Variants in EPHA5 observed in about 807,000 individuals in gnomAD.
EPHA5 encodes ephrin type-A receptor 5.
Under a neutral mutation model 105.0 loss-of-function variants are expected in EPHA5, and 60 were observed. That is an observed-to-expected ratio of 0.57 (90% CI 0.46 to 0.71). EPHA5 has a LOEUF of 0.71. Among genes scored for constraint, EPHA5 ranks in the 30% least tolerant of loss-of-function variants. EPHA5 has a pLI of 0.00. For synonymous variants in EPHA5, 513 were observed against 449.1 expected (o/e 1.14, Z -1.80); for missense variants, 1,218 against 1,274.7 (o/e 0.96, Z 0.68).
intron 7 of EPHA5, among the ~76,000 whole-genome samples, chr4:65,409,665 C>T (rs756519030): frequency 6.6e-6 from 1 of 152,120 alleles, no homozygotes; most frequent in Admixed American, 6.5e-5. Flanking sequence ...ATTTGGGATC[C>T]TTCTCTCACA....
intron 3 of EPHA5, among the ~76,000 whole-genome samples, chr4:65,587,583 C>A (rs1245865971): frequency 6.6e-6 from 1 of 152,020 alleles, no homozygotes; most frequent in Non-Finnish European, 1.5e-5. Flanking sequence ...CAAAAGGTGC[C>A]CCGACCCCCA....
Position 65,420,425 on chromosome 4 carries a change from A to T in EPHA5, c.1527+16T>A, listed in dbSNP as rs897064351. 1 of 1,543,864 alleles carries T rather than the reference A, an allele frequency of 6.5e-7. No individual in the cohort carries two copies. Among genetic ancestry groups the T allele is most frequent in the Admixed American group, 2.2e-5 (1 of 45,164 alleles). On this transcript the variant is annotated intron_variant, in intron 6 of 16. Transcript: ENST00000613740. ...AAAAAAGAAAGTGAGGACATTTTTT[A>T]TTCTGTTAGTCTTACCTTTTCAAAA...
At chr4:65,407,827 C>T (rs1182299759) in intron 7 of EPHA5, among the ~76,000 whole-genome samples, 3 of 151,874 alleles carry the variant, frequency 2.0e-5, no homozygotes, top group African/African-American at 7.3e-5. Context: ...ATGATCTCGG[C>T]TCATTGCAAC....
intron 1 of EPHA5, among the ~76,000 whole-genome samples, chr4:65,668,104 A>T (rs1373013365): frequency 6.6e-6 from 1 of 152,206 alleles, no homozygotes; most frequent in East Asian, 1.9e-4. Flanking sequence ...AGATAAATAC[A>T]CATAAGCCTT....
At chr4:65,440,391 G>T (rs1725892322) in intron 5 of EPHA5, among the ~76,000 whole-genome samples, 1 of 151,834 alleles carries the variant, frequency 6.6e-6, no homozygotes, top group South Asian at 2.1e-4. Flanking sequence ...ACATATTAAA[G>T]TTAGTATTAT....
intron 5 of EPHA5, among the ~76,000 whole-genome samples, chr4:65,429,240 A>T (rs578003320): frequency 3.7e-4 from 56 of 152,186 alleles, no homozygotes; most frequent in African/African-American, 1.3e-3. Flanking sequence ...GCTCAGTATT[A>T]TTCAGTTATA....
Position 65,670,024 on chromosome 4 carries a change from C to G in EPHA5, c.-282G>C, listed in dbSNP as rs1255356619. 2 of 402,686 alleles carry G rather than the reference C, an allele frequency of 5.0e-6. No homozygotes were observed. Among genetic ancestry groups the G allele is most frequent in the Non-Finnish European group, 8.5e-6 (2 of 234,224 alleles). 24.9% of individuals were successfully genotyped at this position (402,686 alleles called of 1,614,324 possible). ...TCGGATCAAGGGTGTCGAGAGGGTC[C>G]TGGGTCCTGTTCCTTTGCCTTTCAA... is the stretch of plus-strand genomic sequence containing the variant. On this transcript the variant is annotated 5_prime_UTR_variant, in exon 1 of 17. Coordinates refer to ENST00000613740, the MANE Select transcript of EPHA5 (RefSeq NM_001281766.3).
At chr4:65,607,598 T>C (rs1744359608) in intron 2 of EPHA5, among the ~76,000 whole-genome samples, 1 of 152,196 alleles carries the variant, frequency 6.6e-6, no homozygotes, top group Non-Finnish European at 1.5e-5. Context: ...TCATCACTTG[T>C]CATTAGAGAA....
intron 3 of EPHA5, among the ~76,000 whole-genome samples, chr4:65,561,454 A>G (rs1739011247): frequency 6.6e-6 from 1 of 152,110 alleles, no homozygotes; most frequent in South Asian, 2.1e-4. Flanking sequence ...CATCATTCAT[A>G]GGCAGGGAGT....
In EPHA5 at chr4:65,490,405, C is replaced by T. The variant is rs1731282642; in HGVS notation, c.1374G>A (p.Val458=). ...SDLSPGARQY[V]SVNVTTNQAA... Reference sequence around the variant, plus strand: ...CTTGATTTGTGGTTACATTTACAGACACATACTGCCGGGCTCCTGGGCTCA... The same window carrying T: ...CTTGATTTGTGGTTACATTTACAGATACATACTGCCGGGCTCCTGGGCTCA... The change falls in exon 5 of 17, where the codon GTG becomes GTA. Residue 458 remains valine, a synonymous_variant. Transcript: ENST00000613740. The T allele has an allele frequency of 6.2e-7, 1 of 1,614,068 alleles. No individual in the cohort carries two copies. The highest frequency in any genetic ancestry group is 8.5e-7 in the Non-Finnish European group (1 of 1,179,990).
At chr4:65,651,337 C>T (rs1169671835) in intron 1 of EPHA5, among the ~76,000 whole-genome samples, 2 of 152,100 alleles carry the variant, frequency 1.3e-5, no homozygotes, top group African/African-American at 4.8e-5. Context: ...AATGTTGTTG[C>T]TTAATCCAGT....
chr4:65,363,374 A>G (rs1031942714), intron 11 of EPHA5, among the ~76,000 whole-genome samples: 3 of 151,610 alleles, frequency 2.0e-5, no homozygotes, highest in African/African-American at 7.2e-5. Flanking sequence ...GCAAAACCAC[A>G]TAATTGTTTA....
intron 3 of EPHA5, among the ~76,000 whole-genome samples, chr4:65,584,769 G>A (rs566599350): frequency 1.6e-4 from 25 of 151,998 alleles, no homozygotes; most frequent in African/African-American, 5.8e-4. Context: ...AAAGGATCAA[G>A]TGCCTAAGTG....
intron 2 of EPHA5, among the ~76,000 whole-genome samples, chr4:65,617,029 T>C (rs1745302870): frequency 6.6e-6 from 1 of 152,104 alleles, no homozygotes; most frequent in African/African-American, 2.4e-5. Flanking sequence ...ATATAATATT[T>C]CCCAAACTTG....
intron 8 of EPHA5, among the ~76,000 whole-genome samples, chr4:65,377,269 G>A (rs1030849556): frequency 1.4e-4 from 22 of 151,876 alleles, no homozygotes; most frequent in Non-Finnish European, 2.2e-4. Flanking sequence ...GTAGTAAATT[G>A]TTATTTTTAT....
At chr4:65,402,982 A>T (rs996821149) in intron 8 of EPHA5, among the ~76,000 whole-genome samples, 1 of 151,246 alleles carries the variant, frequency 6.6e-6, no homozygotes, top group Non-Finnish European at 1.5e-5. Flanking sequence ...CCTGGCTGGG[A>T]TGGGCTTAAT....
intron 8 of EPHA5, among the ~76,000 whole-genome samples, chr4:65,368,495 AG>A (rs1718144097): frequency 6.6e-6 from 1 of 152,076 alleles, no homozygotes; most frequent in African/African-American, 2.4e-5. Flanking sequence ...ACAACAAACT[AG>A]TGCCAAATCC....
chr4:65,539,334 G>A (rs1736598836), intron 3 of EPHA5, among the ~76,000 whole-genome samples: 1 of 149,722 alleles, frequency 6.7e-6, no homozygotes, highest in Non-Finnish European at 1.5e-5. Context: ...CAAAGGAGGA[G>A]GAAGAGAAAA....
intron 1 of EPHA5, among the ~76,000 whole-genome samples, chr4:65,644,332 G>T (rs989268956): frequency 6.6e-6 from 1 of 151,878 alleles, no homozygotes; most frequent in Non-Finnish European, 1.5e-5. Flanking sequence ...CTTTAGCCCT[G>T]GATCACAGAT....
Sources: allele counts gnomAD v4.1 joint callset (sites outside exome capture counted in the v4.1 genomes callset), GRCh38; gene constraint gnomAD v4.1.1; transcripts MANE v1.5; gene names NCBI Gene and HGNC (gene_info 2026-07-23, HGNC 2026-07-21).